MUC15: variants seen among roughly 807,000 people sequenced by gnomAD.
MUC15 encodes mucin 15, cell surface associated.
A neutral mutation model predicts 24.0 loss-of-function variants in MUC15; 23 were observed. The ratio of observed to expected loss-of-function variants is 0.96; its 90% CI spans 0.69 to 1.36. MUC15 has a LOEUF of 1.36. Among genes scored for constraint, MUC15 ranks in the 40% most tolerant of loss-of-function variants. The pLI, the probability that MUC15 is intolerant of heterozygous loss-of-function variation, is 0.00. For synonymous variants in MUC15, 151 were observed against 156.3 expected, an observed-to-expected ratio of 0.97 and a Z score of 0.25; for missense variants, 442 against 428.2, an observed-to-expected ratio of 1.03 and a Z score of -0.29.
chr11:26,569,264 C>T (rs1484860140), intron 1 of MUC15, among the ~76,000 whole-genome samples: 1 of 152,112 alleles, frequency 6.6e-6, no homozygotes, highest in African/African-American at 2.4e-5. Flanking sequence ...CACTCTGTTA[C>T]TGCCTATAAT....
intron 1 of MUC15, among the ~76,000 whole-genome samples, chr11:26,571,196 C>A (rs111895233): frequency 6.6e-6 from 1 of 151,830 alleles, no homozygotes; most frequent in Non-Finnish European, 1.5e-5. Flanking sequence ...AAAGTTTCTC[C>A]GAAAGGAAAG....
rs755251943 is a variant in MUC15 at position 26,563,128 on chromosome 11, T to C, written c.913A>G (p.Arg305Gly). 2 of 1,611,948 alleles carry C rather than the reference T, an allele frequency of 1.2e-6. No individual in the cohort carries two copies. ...SFSHRRLYDD[R>G]NEPVLRLDNA... ...AAATAGATTTTACCTGGTTCATTTC[T>C]GTCGTCATAAAGTCGCCGATGGGAA... is the stretch of plus-strand genomic sequence containing the variant. Residue 305 changes from arginine to glycine, a missense_variant, in exon 4 of 5, where the codon AGA (arginine) becomes GGA (glycine). Coordinates refer to ENST00000529533, the MANE Select transcript of MUC15 (RefSeq NM_001135091.2).
intron 4 of MUC15, among the ~76,000 whole-genome samples, chr11:26,561,687 A>C (rs1451830728): frequency 6.6e-6 from 1 of 151,960 alleles, no homozygotes; most frequent in Non-Finnish European, 1.5e-5. Context: ...TTTAAGGTGG[A>C]GGAGATAAAA....
intron 1 of MUC15, among the ~76,000 whole-genome samples, chr11:26,569,322 A>G (rs982639018): frequency 1.3e-5 from 2 of 152,156 alleles, no homozygotes; most frequent in Non-Finnish European, 2.9e-5. Flanking sequence ...GTAGTTCAGT[A>G]TGTTGTGAAT....
chr11:26,563,393 C>CTGTGTGTGTGTGTGTG (rs764671965), intron 3 of MUC15, 128 bp from the exon 4 acceptor site: 6 of 825,660 alleles, frequency 7.3e-6, no homozygotes, highest in South Asian at 4.3e-5. Flanking sequence ...GTGTTTCTCT[C>CTGTGTGTGTGTGTGTG]TCTGTGTGTG....
In MUC15 at chr11:26,559,583, C is replaced by T. The variant is rs1850200696; in HGVS notation, c.*1482G>A. The T allele has an allele frequency of 3.1e-6, 2 of 638,214 alleles. No individual in the cohort carries two copies. The highest frequency in any genetic ancestry group is 2.8e-6 in the Non-Finnish European group (1 of 362,992). The allele number at this position is 638,214 out of a possible 1,614,324, so 39.5% of individuals were successfully genotyped here. On this transcript the variant is annotated 3_prime_UTR_variant, in exon 5 of 5. Transcript: ENST00000529533. ...TGTTGCAAGACCCATGAAAGGAATT[C>T]ATATATAATATTTCTGTACTATAAA...
intron 1 of MUC15, among the ~76,000 whole-genome samples, chr11:26,570,949 C>T (rs1271689005): frequency 6.6e-6 from 1 of 151,920 alleles, no homozygotes; most frequent in African/African-American, 2.4e-5. Flanking sequence ...TTAGGCCTCT[C>T]ATTTTACTTT....
At position 26,565,336 on chromosome 11, in the gene MUC15, G is replaced by T. The variant is rs769187642; in HGVS notation, c.604C>A (p.Pro202Thr). 1 of 1,612,018 alleles carries T rather than the reference G, an allele frequency of 6.2e-7. No homozygotes were observed. Among genetic ancestry groups the T allele is most frequent in the African/African-American group, 1.3e-5 (1 of 74,792 alleles). The change falls in exon 3 of 5, where the codon CCA becomes ACA. Residue 202 changes from proline to threonine, a missense_variant. By Grantham distance (38) the Pro-to-Thr change is conservative (BLOSUM62 -1). Transcript: ENST00000529533. Reference protein sequence around the residue: ...SITVSILSSEPTSPSVTPLIV... With the variant: ...SITVSILSSETTSPSVTPLIV... The stretch of plus-strand genomic sequence containing the variant: ...AAGGGGGTCACAGATGGAGAAGTTG[G>T]TTCTGAAGAGAGGATGCTAACTGTA...
rs371195680 is a variant in MUC15, at chr11:26,563,395, C to CTCTGTG, written c.776-131_776-130insCACAGA. On this transcript the variant is annotated intron_variant, in intron 3 of 4. Transcript: ENST00000529533. ...ATTAGATAATGGTGTGTTTCTCTCT[C>CTCTGTG]TGTGTGTGTGTGTGTGTGTGTGTGT... 5.8e-4 allele frequency: 315 copies of CTCTGTG among 540,086 alleles called. 1 individual carries two copies. The highest frequency in any genetic ancestry group is 5.5e-3 in the African/African-American group (273 of 49,606). 33.5% of individuals were successfully genotyped at this position (540,086 alleles called of 1,614,324 possible).
chr11:26,559,871 C>G lies in MUC15; in HGVS notation c.*1194G>C. On this transcript the variant is annotated 3_prime_UTR_variant, in exon 5 of 5. Transcript: ENST00000529533. ...ACACACACACACACACACACACACACACACCATGAATCAATTCAAAAATAA... is the reference window on the plus strand; with the variant it reads ...ACACACACACACACACACACACACAGACACCATGAATCAATTCAAAAATAA... 6.3e-6 allele frequency: 5 copies of G among 797,784 alleles called. No homozygotes were observed. Among genetic ancestry groups the G allele is most frequent in the South Asian group, 1.6e-5 (1 of 60,852 alleles). 49.4% of individuals were successfully genotyped at this position (797,784 alleles called of 1,614,324 possible).
In MUC15 at chr11:26,560,928, A is replaced by T; in HGVS notation, c.*137T>A. 2 of 813,520 alleles carry T rather than the reference A, an allele frequency of 2.5e-6. No homozygotes were observed. Among genetic ancestry groups the T allele is most frequent in the South Asian group, 1.9e-5 (1 of 52,100 alleles). The allele number at this position is 813,520 out of a possible 1,614,324, so 50.4% of individuals were successfully genotyped here. Reference sequence around the variant, plus strand: ...GATACATCCTGTCTACATTTCTGCTACTGGTCTCCTGCTTTTATGATTCTC... The same window carrying T: ...GATACATCCTGTCTACATTTCTGCTTCTGGTCTCCTGCTTTTATGATTCTC... On this transcript the variant is annotated 3_prime_UTR_variant, in exon 5 of 5. Transcript: ENST00000529533.
chr11:26,564,726 C>CAT (rs1850471324), intron 3 of MUC15, among the ~76,000 whole-genome samples: 2 of 49,348 alleles, frequency 4.1e-5, no homozygotes, highest in African/African-American at 1.5e-4. Context: ...CACACACACA[C>CAT]ACACACATAT....
chr11:26,564,948 A>G (rs995243187), intron 3 of MUC15, among the ~76,000 whole-genome samples: 1 of 149,780 alleles, frequency 6.7e-6, no homozygotes, highest in African/African-American at 2.5e-5. Context: ...GTCTCCTTAC[A>G]CTCCCAAAGA....
rs539115084 is a variant in MUC15 at position 26,559,466 on chromosome 11, A to T, written c.*1599T>A. ...AATGGTAGAATTATTTATAATCAGA[A>T]ATGATGGTGGGGTATAAAGGGAATC... is the stretch of plus-strand genomic sequence containing the variant. On this transcript the variant is annotated 3_prime_UTR_variant, in exon 5 of 5. Transcript: ENST00000529533. 2 of 355,824 alleles carry T rather than the reference A, an allele frequency of 5.6e-6. No homozygotes were observed. Among genetic ancestry groups the T allele is most frequent in the South Asian group, 1.7e-4 (2 of 12,116 alleles). The allele number at this position is 355,824 out of a possible 1,614,324, so 22.0% of individuals were successfully genotyped here.
At chr11:26,563,997 T>C (rs1850410835) in intron 3 of MUC15, among the ~76,000 whole-genome samples, 1 of 151,844 alleles carries the variant, frequency 6.6e-6, no homozygotes, top group Non-Finnish European at 1.5e-5. Context: ...ACTCATTAAT[T>C]AGGTAGGCAA....
chr11:26,560,090 A>G lies in MUC15; in HGVS notation c.*975T>C, dbSNP rs897474035. On this transcript the variant is annotated 3_prime_UTR_variant, in exon 5 of 5. Coordinates refer to ENST00000529533, the MANE Select transcript of MUC15 (RefSeq NM_001135091.2). The stretch of plus-strand genomic sequence containing the variant: ...TACTAGAATCCAAATTAATCTTCTT[A>G]TATTATTGATTATGAAACTGATGCT... 8 of 250,182 alleles carry G rather than the reference A, an allele frequency of 3.2e-5. No homozygotes were observed. Among genetic ancestry groups the G allele is most frequent in the African/African-American group, 4.4e-5 (2 of 44,982 alleles). 15.5% of individuals were successfully genotyped at this position (250,182 alleles called of 1,614,324 possible). A position where few individuals can be genotyped will look rare whatever the true frequency, so the allele number is the denominator to read the frequency against.
intron 4 of MUC15, among the ~76,000 whole-genome samples, chr11:26,561,974 T>C (rs1169088387): frequency 6.6e-6 from 1 of 151,876 alleles, no homozygotes; most frequent in Non-Finnish European, 1.5e-5. Flanking sequence ...TGTTTACAAA[T>C]TGGGCTCCCA....
intron 1 of MUC15, among the ~76,000 whole-genome samples, chr11:26,571,582 C>G (rs2134290265): frequency 6.6e-6 from 1 of 152,104 alleles, no homozygotes; most frequent in East Asian, 1.9e-4. Flanking sequence ...TTTTCCAAAA[C>G]TATTCTAATA....
Position 26,565,847 on chromosome 11 carries a change from T to A in MUC15, c.93A>T (p.Leu31Phe). Reference sequence around the variant, plus strand: ...ACGTTGAAATCAACAGAATTTTGGCTAAGGCCAACATTGTAGGCTTCTTTG... The same window carrying A: ...ACGTTGAAATCAACAGAATTTTGGCAAAGGCCAACATTGTAGGCTTCTTTG... ...PIPKKPTMLALAKILLISTLF... is the reference protein window; with the variant it reads ...PIPKKPTMLAFAKILLISTLF... Residue 31 changes from leucine to phenylalanine, a missense_variant, in exon 3 of 5, where the codon TTA becomes TTT. Leu to Phe is a conservative substitution (Grantham distance 22, BLOSUM62 0). Coordinates refer to ENST00000529533, the MANE Select transcript of MUC15 (RefSeq NM_001135091.2). 6.2e-7 allele frequency: 1 copy of A among 1,612,504 alleles called. No individual in the cohort carries two copies. The highest frequency in any genetic ancestry group is 1.1e-5 in the South Asian group (1 of 90,816).
Sources: allele counts gnomAD v4.1 joint callset (sites outside exome capture counted in the v4.1 genomes callset), GRCh38; gene constraint gnomAD v4.1.1; transcripts MANE v1.5; gene names NCBI Gene and HGNC (gene_info 2026-07-23, HGNC 2026-07-21).